Variants in TBC1D9B observed in about 807,000 individuals in gnomAD.
TBC1D9B encodes the protein TBC1 domain family member 9B, also known as TBC1 domain family, member 9B (with GRAM domain).
TBC1D9B carries 87 observed loss-of-function variants against 121.1 expected under a neutral mutation model. That is an observed-to-expected ratio of 0.72 (90% CI 0.60 to 0.86). TBC1D9B has a LOEUF of 0.86. Among genes scored for constraint, TBC1D9B ranks in the 40% least tolerant of loss-of-function variants. The pLI is 0.00. For missense variants in TBC1D9B, 1,540 were observed against 1,628.6 expected, an observed-to-expected ratio of 0.95 and a Z score of 0.94; for synonymous variants, 668 against 670.1, an observed-to-expected ratio of 1.00 and a Z score of 0.05.
At chr5:179,870,709 A>G in intron 15 of TBC1D9B, 1 of 700,588 alleles carries the variant, frequency 1.4e-6, no homozygotes. Flanking sequence ...TGAGAGACAG[A>G]GTCCTTGGCA....
Position 179,907,851 on chromosome 5 carries a change from C to G in TBC1D9B, c.-30G>C, listed in dbSNP as rs1184834135. 1 of 1,065,702 alleles carries G rather than the reference C, an allele frequency of 9.4e-7. No homozygotes were observed. The highest frequency in any genetic ancestry group is 2.7e-5 in the South Asian group (1 of 37,148). The allele number at this position is 1,065,702 out of a possible 1,614,324, so 66.0% of individuals were successfully genotyped here. ...GAGCCGCTCGCACCGGGCCGAGGCC[C>G]GCGAGACGGAAGCGCCCGCCGCCGT... On this transcript the variant is annotated 5_prime_UTR_variant, in exon 1 of 21. Transcript: ENST00000355235. The surrounding 1 kb of genome is among the most constrained non-coding windows in gnomAD (Gnocchi z 5.3).
rs771379807 is a variant in TBC1D9B, at chr5:179,891,626, A to G, written c.837-40T>C. ...TAGGAGGACAGGAGGAAAGGGGACA[A>G]GGTCAGGACCAGCACACTCTCAAGG... On this transcript the variant is annotated intron_variant, in intron 5 of 20. Transcript: ENST00000355235. The surrounding 1 kb of genome is among the most constrained non-coding windows in gnomAD (Gnocchi z 4.3). The G allele has an allele frequency of 6.2e-7, 1 of 1,603,730 alleles. No homozygotes were observed. The highest frequency in any genetic ancestry group is 8.5e-7 in the Non-Finnish European group (1 of 1,176,412).
At position 179,891,315 on chromosome 5, in the gene TBC1D9B, T is replaced by G. The variant is rs878876478; in HGVS notation, c.1044+64A>C. 41 of 1,585,626 alleles carry G rather than the reference T, an allele frequency of 2.6e-5. No individual in the cohort carries two copies. The highest frequency in any genetic ancestry group is 4.3e-6 in the Non-Finnish European group (5 of 1,157,252). ...GACAGGGCAGAGCAGGACAGGCTGG[T>G]CCCTGAGCCCACTGACACCTCGGGG... On this transcript the variant is annotated intron_variant, in intron 6 of 20. Coordinates refer to ENST00000355235, the MANE Select transcript of TBC1D9B (RefSeq NM_015043.4). This position sits in a 1 kb window ranked among gnomAD's most constrained non-coding sequence, Gnocchi z 4.3.
intron 13 of TBC1D9B, 30 bp downstream of exon 13, chr5:179,873,089 C>G: frequency 6.2e-7 from 1 of 1,611,356 alleles, no homozygotes; most frequent in Non-Finnish European, 8.5e-7. Context: ...ATGGAGCGGC[C>G]TGGCCAAAAT....
rs990954153 is a variant in TBC1D9B at position 179,863,247 on chromosome 5, C to T, written c.*201G>A. 6.8e-5 allele frequency: 42 copies of T among 616,888 alleles called. No individual in the cohort carries two copies. The highest frequency in any genetic ancestry group is 1.6e-4 in the Admixed American group (5 of 30,982). 38.2% of individuals were successfully genotyped at this position (616,888 alleles called of 1,614,324 possible). A position where few individuals can be genotyped will look rare whatever the true frequency, so the allele number is the denominator to read the frequency against. On this transcript the variant is annotated 3_prime_UTR_variant, in exon 21 of 21. Transcript: ENST00000355235. This position sits in a 1 kb window ranked among gnomAD's most constrained non-coding sequence, Gnocchi z 4.5. ...GCCTCTTCCTGGGCCCAGAAGCAGC[C>T]GGCGCCAGGAGATGCAGGCCCAGGG...
rs1239045613 is a variant in TBC1D9B at position 179,876,016 on chromosome 5, C to G, written c.1804G>C (p.Val602Leu). The change falls in exon 11 of 21, where the codon GTG (valine) becomes CTG (leucine). Residue 602 changes from valine (V) to leucine (L), a missense_variant. Physicochemically the swap from Val to Leu is conservative, Grantham distance 32 (BLOSUM62 1). Transcript: ENST00000355235. Reference protein sequence around the residue: ...YCQAMNIVTSVLLLYGSEEEA... With the variant: ...YCQAMNIVTSLLLLYGSEEEA... ...TCCTCACTGCCATAGAGCAGGAGCA[C>G]CGAGGTCACGATGTTCATTGCCTGC... is the stretch of plus-strand genomic sequence containing the variant. 3 of 1,612,702 alleles carry G rather than the reference C, an allele frequency of 1.9e-6. No individual in the cohort carries two copies. The highest frequency in any genetic ancestry group is 2.5e-6 in the Non-Finnish European group (3 of 1,179,568).
chr5:179,904,746 A>G lies in TBC1D9B; in HGVS notation c.185T>C (p.Leu62Pro). The change falls in exon 2 of 21, where the codon CTG (leucine) becomes CCG (proline). Residue 62 changes from leucine to proline, a missense_variant. Physicochemically the swap from Leu to Pro is moderately conservative, Grantham distance 98. Transcript: ENST00000355235. This position sits in a 1 kb window ranked among gnomAD's most constrained non-coding sequence, Gnocchi z 4.2. ...GACCTGGGAGTCCTGGGTCTGGTGC[A>G]GGATGCGGTAAGGGGCCACGCGGGC... is the stretch of plus-strand genomic sequence containing the variant. ...SSARVAPYRI[L>P]HQTQDSQVYW... is the part of the protein sequence containing the mutation. 1.3e-6 allele frequency: 2 copies of G among 1,580,332 alleles called. No homozygotes were observed. Among genetic ancestry groups the G allele is most frequent in the Non-Finnish European group, 1.7e-6 (2 of 1,163,380 alleles).
At position 179,864,145 on chromosome 5, in the gene TBC1D9B, CAGA is replaced by C. The variant is rs759547808; in HGVS notation, c.3022-20_3022-18del. Reference sequence around the variant, plus strand: ...GAACTGCTCCTTTTAGGGAGAAAAACAGAAGAACAGGGAGATGGTAAAAGACCA... The same window carrying C: ...GAACTGCTCCTTTTAGGGAGAAAAACAGAACAGGGAGATGGTAAAAGACCA... On this transcript the variant is annotated intron_variant, in intron 20 of 20. Coordinates refer to ENST00000355235, the MANE Select transcript of TBC1D9B (RefSeq NM_015043.4). 6 of 1,578,926 alleles carry C rather than the reference CAGA, an allele frequency of 3.8e-6. No individual in the cohort carries two copies. Among genetic ancestry groups the C allele is most frequent in the Non-Finnish European group, 3.5e-6 (4 of 1,158,934 alleles).
chr5:179,889,830 C>T (rs1760808423), intron 6 of TBC1D9B, among the ~76,000 whole-genome samples: 1 of 136,382 alleles, frequency 7.3e-6, no homozygotes, highest in South Asian at 2.5e-4. Flanking sequence ...GCCATGATCA[C>T]ACCACTGCAC....
chr5:179,890,092 G>A lies in TBC1D9B; in HGVS notation c.1044+1287C>T, dbSNP rs1460766155. ...AAGGGTGGAAGAGGGGTCACTTCCC[G>A]AGGGAAGCATGGAAGCGGGTGGTTG... is the stretch of plus-strand genomic sequence containing the variant. On this transcript the variant is annotated intron_variant, in intron 6 of 20. Coordinates refer to ENST00000355235, the MANE Select transcript of TBC1D9B (RefSeq NM_015043.4). This position sits in a 1 kb window ranked among gnomAD's most constrained non-coding sequence, Gnocchi z 5.0. Among the ~76,000 whole-genome samples the A allele has an allele frequency of 2.0e-5, 3 of 152,126 alleles. No homozygotes were observed. Among genetic ancestry groups the A allele is most frequent in the South Asian group, 2.1e-4 (1 of 4,832 alleles).
chr5:179,902,436 T>C lies in TBC1D9B; in HGVS notation c.229+2266A>G, dbSNP rs961028908. On this transcript the variant is annotated intron_variant, in intron 2 of 20. Transcript: ENST00000355235. This position sits in a 1 kb window ranked among gnomAD's most constrained non-coding sequence, Gnocchi z 4.9. ...CACTAAGCAGGTGCTGGCAGGGCCATGTCTGGTCTTGGTGAGTTGCTTCTG... is the reference window on the plus strand; with the variant it reads ...CACTAAGCAGGTGCTGGCAGGGCCACGTCTGGTCTTGGTGAGTTGCTTCTG... Among the ~76,000 whole-genome samples the C allele has an allele frequency of 3.9e-5, 6 of 152,192 alleles. No homozygotes were observed. The highest frequency in any genetic ancestry group is 1.9e-4 in the East Asian group (1 of 5,162).
chr5:179,867,595 A>G, intron 18 of TBC1D9B, 183 bp downstream of exon 18: 2 of 1,506,392 alleles, frequency 1.3e-6, no homozygotes, highest in Non-Finnish European at 1.8e-6. Flanking sequence ...GGACATCCAC[A>G]GGGGGCGGCC....
chr5:179,866,529 C>T (rs1308293476), intron 18 of TBC1D9B: 1 of 152,342 alleles, frequency 6.6e-6, no homozygotes, highest in Non-Finnish European at 1.5e-5. Context: ...GAGCTGCTCT[C>T]GCTGGCTGTC....
In TBC1D9B at chr5:179,878,476, C is replaced by T; in HGVS notation, c.1615G>A (p.Val539Met). The change falls in exon 10 of 21, where the codon GTG becomes ATG. Residue 539 changes from valine to methionine, a missense_variant. Physicochemically the swap from Val to Met is conservative, Grantham distance 21. Coordinates refer to ENST00000355235, the MANE Select transcript of TBC1D9B (RefSeq NM_015043.4). ...VTHPGYYAEL[V>M]EKSTGKYSLA... Reference sequence around the variant, plus strand: ...CTGTACTTCCCGGTGGACTTCTCCACCAGCTCAGCATAGTACCCGGGGTGA... The same window carrying T: ...CTGTACTTCCCGGTGGACTTCTCCATCAGCTCAGCATAGTACCCGGGGTGA... 15 of 1,611,894 alleles carry T rather than the reference C, an allele frequency of 9.3e-6. No homozygotes were observed. Among genetic ancestry groups the T allele is most frequent in the Non-Finnish European group, 1.3e-5 (15 of 1,179,096 alleles).
chr5:179,863,326 C>A lies in TBC1D9B; in HGVS notation c.*122G>T. On this transcript the variant is annotated 3_prime_UTR_variant, in exon 21 of 21. Transcript: ENST00000355235. The surrounding 1 kb of genome is among the most constrained non-coding windows in gnomAD (Gnocchi z 4.5). ...CAGCCTTCTTTCCACTCACAACTCA[C>A]TGCTCCTGGGAGAGCAGGAGGGGCA... The A allele has an allele frequency of 8.5e-7, 1 of 1,178,508 alleles. No individual in the cohort carries two copies. Among genetic ancestry groups the A allele is most frequent in the Non-Finnish European group, 1.2e-6 (1 of 846,986 alleles). 73.0% of individuals were successfully genotyped at this position (1,178,508 alleles called of 1,614,324 possible).
At position 179,904,842 on chromosome 5, in the gene TBC1D9B, T is replaced by C. The variant is rs780459183; in HGVS notation, c.119-30A>G. Reference sequence around the variant, plus strand: ...GAACAGGGCAGAGAGACATAGAGGGTGAGGGGAGGGCCGGACTGAGGCCCC... The same window carrying C: ...GAACAGGGCAGAGAGACATAGAGGGCGAGGGGAGGGCCGGACTGAGGCCCC... On this transcript the variant is annotated intron_variant, in intron 1 of 20. Transcript: ENST00000355235. The surrounding 1 kb of genome is among the most constrained non-coding windows in gnomAD (Gnocchi z 4.2). The C allele has an allele frequency of 1.4e-5, 22 of 1,520,710 alleles. No individual in the cohort carries two copies. In the South Asian group the frequency reaches 2.6e-4, roughly 18 times the overall value. The allele number at this position is 1,520,710 out of a possible 1,614,324, so 94.2% of individuals were successfully genotyped here.
Position 179,871,537 on chromosome 5 carries a change from G to C in TBC1D9B, c.2416-7C>G, listed in dbSNP as rs765167026. The stretch of plus-strand genomic sequence containing the variant: ...CCACAGGTATAGCTCGGACCTAGAA[G>C]GAAGGAGAAACAGGGTATATAGCTG... On this transcript the variant is annotated splice_region_variant and splice_polypyrimidine_tract_variant and intron_variant, in intron 14 of 20. Transcript: ENST00000355235. 2 of 1,612,342 alleles carry C rather than the reference G, an allele frequency of 1.2e-6. No homozygotes were observed.
At chr5:179,873,512 G>T (rs1026085039) in intron 12 of TBC1D9B, among the ~76,000 whole-genome samples, 1 of 152,226 alleles carries the variant, frequency 6.6e-6, no homozygotes, top group African/African-American at 2.4e-5. Flanking sequence ...CAGTGGGGGG[G>T]TCCCTTGGGC....
chr5:179,904,280 A>T lies in TBC1D9B; in HGVS notation c.229+422T>A, dbSNP rs573888262. Among the ~76,000 whole-genome samples the T allele has an allele frequency of 7.0e-4, 95 of 136,162 alleles. No individual in the cohort carries two copies. The highest frequency in any genetic ancestry group is 2.7e-3 in the African/African-American group (93 of 34,220). The allele number at this position is 136,162 out of a possible 152,430, so 89.3% of individuals were successfully genotyped here. On this transcript the variant is annotated intron_variant, in intron 2 of 20. Coordinates refer to ENST00000355235, the MANE Select transcript of TBC1D9B (RefSeq NM_015043.4). This position sits in a 1 kb window ranked among gnomAD's most constrained non-coding sequence, Gnocchi z 4.2. ...CGCTGTGTCGCCCAGGCTGGAGTGC[A>T]GTGGCGCGATCTCGGCTCACTGCAA...
Sources: gnomAD v4.1 joint callset for allele counts (sites outside exome capture counted in the v4.1 genomes callset) on GRCh38, gnomAD v4.1.1 for gene constraint, Gnocchi (gnomAD v3.1) non-coding constraint, MANE v1.5 for transcripts, NCBI Gene and HGNC (gene_info 2026-07-23, HGNC 2026-07-21) for gene names.